Variants in DENND5B observed in about 807,000 individuals in gnomAD.
DENND5B encodes the protein DENN domain containing 5B, also known as DENN domain-containing protein 5B.
In DENND5B, 34 loss-of-function variants were observed where a neutral mutation model predicts 140.6. The ratio of observed to expected loss-of-function variants is 0.24; its 90% confidence interval spans 0.18 to 0.32. The LOEUF (loss-of-function observed/expected upper bound fraction) is 0.32. DENND5B is among the 10% of genes least tolerant of loss of function. The probability of loss-of-function intolerance (pLI) is 1.00; values close to 1 mark genes in which losing one functional copy is unlikely to be tolerated. For synonymous variants in DENND5B, 551 were observed against 562.1 expected (o/e 0.98, Z 0.28); for missense variants, 1,142 against 1,560.2 (o/e 0.73, Z 4.52).
chr12:31,502,716 C>T (rs776519425), intron 1 of DENND5B, among the ~76,000 whole-genome samples: 2 of 152,186 alleles, frequency 1.3e-5, no homozygotes, highest in Non-Finnish European at 2.9e-5. Flanking sequence ...AAATATTAAG[C>T]TTCTACGCTG....
At chr12:31,449,166 G>C (rs1285602642) in intron 5 of DENND5B, among the ~76,000 whole-genome samples, 3 of 152,200 alleles carry the variant, frequency 2.0e-5, no homozygotes, top group African/African-American at 7.2e-5. Flanking sequence ...AAAGGGGAAA[G>C]AGGAAAGAGA....
intron 1 of DENND5B, among the ~76,000 whole-genome samples, chr12:31,560,582 G>T (rs1949439662): frequency 6.6e-6 from 1 of 152,114 alleles, no homozygotes. Flanking sequence ...TAGCTGCCAG[G>T]ATGATCCTTT....
At chr12:31,478,462 T>C (rs772489116) in intron 3 of DENND5B, among the ~76,000 whole-genome samples, 2 of 152,176 alleles carry the variant, frequency 1.3e-5, no homozygotes, top group East Asian at 1.9e-4. Flanking sequence ...TCCAGCACTT[T>C]GGGAGGCCAC....
intron 1 of DENND5B, among the ~76,000 whole-genome samples, chr12:31,500,000 A>G (rs925642622): frequency 1.3e-5 from 2 of 152,254 alleles, no homozygotes; most frequent in African/African-American, 4.8e-5. Context: ...CTATAGTCAG[A>G]TATCATACAA....
At chr12:31,564,057 G>A (rs1169717552) in intron 1 of DENND5B, among the ~76,000 whole-genome samples, 9 of 152,172 alleles carry the variant, frequency 5.9e-5, no homozygotes, top group Non-Finnish European at 1.0e-4. Flanking sequence ...GGCAGAAGTT[G>A]CAATGAGCCA....
At chr12:31,536,245 G>A (rs1338728689) in intron 1 of DENND5B, among the ~76,000 whole-genome samples, 11 of 152,056 alleles carry the variant, frequency 7.2e-5, no homozygotes, top group Non-Finnish European at 1.3e-4. Context: ...ATAGCAATGC[G>A]AGAATGGACT....
chr12:31,467,669 G>GT (rs1156267739), intron 3 of DENND5B, among the ~76,000 whole-genome samples: 1 of 152,058 alleles, frequency 6.6e-6, no homozygotes, highest in East Asian at 1.9e-4. Context: ...ACAAAACCAA[G>GT]TGTATAGAAT....
intron 1 of DENND5B, among the ~76,000 whole-genome samples, chr12:31,512,132 G>C (rs1409909679): frequency 6.6e-6 from 1 of 151,740 alleles, no homozygotes; most frequent in Admixed American, 6.6e-5. Context: ...AATCAGGCTG[G>C]TCTCGAACTC....
intron 1 of DENND5B, among the ~76,000 whole-genome samples, chr12:31,557,941 T>C (rs978698025): frequency 1.3e-5 from 2 of 151,722 alleles, no homozygotes; most frequent in African/African-American, 4.8e-5. Context: ...TAGTCCCAGC[T>C]ATTTTGGAGG....
At chr12:31,506,516 C>T (rs1286242900) in intron 1 of DENND5B, 1 of 152,154 alleles carries the variant, frequency 6.6e-6, no homozygotes, top group Non-Finnish European at 1.5e-5. Context: ...TCTCATCAGC[C>T]ACCCAAAGTT....
At chr12:31,564,892 C>T (rs534779278) in intron 1 of DENND5B, among the ~76,000 whole-genome samples, 3 of 152,120 alleles carry the variant, frequency 2.0e-5, no homozygotes, top group Admixed American at 2.0e-4. Context: ...CCAGCCCATG[C>T]CATACTGCAA....
At chr12:31,556,238 T>G (rs767444122) in intron 1 of DENND5B, among the ~76,000 whole-genome samples, 5 of 152,070 alleles carry the variant, frequency 3.3e-5, no homozygotes, top group African/African-American at 4.8e-5. Context: ...GCAGTCTCAC[T>G]CTGTCACCCA....
At chr12:31,404,688 A>C (rs34955459) in intron 14 of DENND5B, among the ~76,000 whole-genome samples, 20,017 of 149,704 alleles carry the variant, frequency 0.13, 1,591 homozygotes, top group Non-Finnish European at 0.18. Flanking sequence ...TCCTGAACTC[A>C]GGTGATCCAC....
Position 31,450,024 on chromosome 12 carries a change from C to T in DENND5B, c.1629+1916G>A, listed in dbSNP as rs545149435. Among the ~76,000 whole-genome samples, 233 of 152,140 alleles carry T rather than the reference C, an allele frequency of 1.5e-3. 1 individual carries two copies. The highest frequency in any genetic ancestry group is 2.7e-3 in the Non-Finnish European group (184 of 68,026). On this transcript the variant is annotated intron_variant, in intron 5 of 20. Transcript: ENST00000389082. ...GGGATTACAGGCGTGAGCCACTGTG[C>T]CCAGCCCACAGATTAGTTCTAAGCT...
chr12:31,575,458 A>T (rs139543279), intron 1 of DENND5B, among the ~76,000 whole-genome samples: 55 of 152,324 alleles, frequency 3.6e-4, no homozygotes, highest in African/African-American at 1.3e-3. Flanking sequence ...TCTCTGCCCA[A>T]AGGAAACAAT....
chr12:31,440,299 C>G (rs1304106124), intron 7 of DENND5B, among the ~76,000 whole-genome samples: 1 of 152,092 alleles, frequency 6.6e-6, no homozygotes, highest in South Asian at 2.1e-4. Context: ...ATACTTCCTC[C>G]TCAGCCTCCC....
At chr12:31,527,754 C>T (rs765946063) in intron 1 of DENND5B, among the ~76,000 whole-genome samples, 41 of 151,800 alleles carry the variant, frequency 2.7e-4, no homozygotes, top group African/African-American at 8.9e-4. Flanking sequence ...CTCTAGCCTG[C>T]GTGACAGAGC....
rs1009226363 is a variant in DENND5B, at chr12:31,383,676, C to A, written c.*3927G>T. ...TTTGTCCTCAGTAGCCTGCTTTTTC[C>A]CACGTAGGACTCCACTTTATACTAC... On this transcript the variant is annotated 3_prime_UTR_variant, in exon 21 of 21. Coordinates refer to ENST00000389082, the MANE Select transcript of DENND5B (RefSeq NM_144973.4). 8 of 152,034 alleles carry A rather than the reference C, an allele frequency of 5.3e-5. No homozygotes were observed. The highest frequency in any genetic ancestry group is 1.9e-4 in the African/African-American group (8 of 41,398). The allele number at this position is 152,034 out of a possible 1,614,324, so 9.4% of individuals were successfully genotyped here. A position where few individuals can be genotyped will look rare whatever the true frequency, so the allele number is the denominator to read the frequency against.
chr12:31,529,776 C>CA (rs1215336512), intron 1 of DENND5B, among the ~76,000 whole-genome samples: 2 of 151,624 alleles, frequency 1.3e-5, no homozygotes, highest in Non-Finnish European at 2.9e-5. Context: ...ATGCCCAACA[C>CA]AAAATCACAT....
Sources: gnomAD v4.1 joint callset for allele counts (sites outside exome capture counted in the v4.1 genomes callset) on GRCh38, gnomAD v4.1.1 for gene constraint, MANE v1.5 for transcripts, NCBI Gene and HGNC (gene_info 2026-07-23, HGNC 2026-07-21) for gene names.